The following ZNF664 variants were observed in gnomAD, a reference collection of about 807,000 sequenced individuals.
ZNF664 encodes zinc finger Organ of Corti 1.
In ZNF664, 10 loss-of-function variants were observed where a neutral mutation model predicts 18.2. The observed-to-expected ratio is 0.55, with a 90% CI of 0.34 to 0.93. The LOEUF (loss-of-function observed/expected upper bound fraction) is 0.93, where lower values mean the gene tolerates loss of function less well. ZNF664 is among the 40% of genes least tolerant of loss of function. The probability of loss-of-function intolerance (pLI) is 0.02; values close to 1 mark genes in which losing one functional copy is unlikely to be tolerated. For missense variants in ZNF664, 193 were observed against 319.0 expected (o/e 0.61, Z 3.01); for synonymous variants, 119 against 104.2 (o/e 1.14, Z -0.86).
intron 2 of ZNF664, among the ~76,000 whole-genome samples, chr12:123,983,592 ACT>A (rs1956791694): frequency 2.0e-5 from 3 of 152,174 alleles, no homozygotes; most frequent in African/African-American, 7.2e-5. Context: ...AAGATGATGA[ACT>A]CTGCCACTTA....
chr12:124,005,484 T>A (rs1006008631), intron 3 of ZNF664, among the ~76,000 whole-genome samples: 15 of 22,956 alleles, frequency 6.5e-4, no homozygotes, highest in African/African-American at 4.0e-3. Context: ...ATTTATAGAA[T>A]GTGTGTGTGT....
At chr12:123,995,257 A>G (rs1423107046) in intron 3 of ZNF664, among the ~76,000 whole-genome samples, 1 of 152,264 alleles carries the variant, frequency 6.6e-6, no homozygotes, top group Non-Finnish European at 1.5e-5. Context: ...AATAGTTTAC[A>G]GACAAAGAAC....
chr12:123,985,970 AGTAATG>A (rs1956819614), intron 2 of ZNF664, among the ~76,000 whole-genome samples: 2 of 152,062 alleles, frequency 1.3e-5, no homozygotes, highest in South Asian at 4.1e-4. Flanking sequence ...TTTTGCATCC[AGTAATG>A]TTTTTTTTCA....
At chr12:123,989,867 A>G (rs1013632795) in intron 3 of ZNF664, among the ~76,000 whole-genome samples, 1 of 117,044 alleles carries the variant, frequency 8.5e-6, no homozygotes, top group Non-Finnish European at 1.9e-5. Flanking sequence ...ATTTCTGTCC[A>G]TCCATGCAGA....
Position 124,005,556 on chromosome 12 carries a change from C to T in ZNF664, c.-660-5825C>T, listed in dbSNP as rs76077487. On this transcript the variant is annotated intron_variant, in intron 3 of 4. Transcript: ENST00000337815. ...TAGGCCAGCATGTCTGTATTATCCT[C>T]ATTATATAAAAAGAAAACAGATGCA... is the stretch of plus-strand genomic sequence containing the variant. Among the ~76,000 whole-genome samples, 153 of 150,306 alleles carry T rather than the reference C, an allele frequency of 1.0e-3. 2 individuals are homozygous for T. In the East Asian group the frequency reaches 0.03, roughly 29 times the overall value.
chr12:123,975,888 C>T (rs1030608549), intron 2 of ZNF664, among the ~76,000 whole-genome samples: 11 of 152,126 alleles, frequency 7.2e-5, no homozygotes, highest in Admixed American at 2.0e-4. Context: ...TTCAGATTAG[C>T]TTTTATGTCC....
chr12:123,974,669 CCTT>C (rs2138300905), intron 2 of ZNF664: 1 of 152,326 alleles, frequency 6.6e-6, no homozygotes, highest in East Asian at 1.9e-4. Flanking sequence ...TGGTGTTTAT[CCTT>C]CTAGATCTTT....
Position 124,013,024 on chromosome 12 carries a change from G to T in ZNF664, c.*94G>T, listed in dbSNP as rs963046652. ...CTACATTGACCCAAGAAATATTTAC[G>T]CAATCCCTAGCAGAACATTGTTTCT... On this transcript the variant is annotated 3_prime_UTR_variant, in exon 5 of 5. Coordinates refer to ENST00000337815, the MANE Select transcript of ZNF664 (RefSeq NM_152437.3). 2.2e-6 allele frequency: 3 copies of T among 1,389,748 alleles called. No homozygotes were observed. The highest frequency in any genetic ancestry group is 9.7e-7 in the Non-Finnish European group (1 of 1,035,116). The allele number at this position is 1,389,748 out of a possible 1,614,324, so 86.1% of individuals were successfully genotyped here. A position where few individuals can be genotyped will look rare whatever the true frequency, so the allele number is the denominator to read the frequency against.
At chr12:123,989,761 G>C (rs1251532073) in intron 3 of ZNF664, among the ~76,000 whole-genome samples, 1 of 152,192 alleles carries the variant, frequency 6.6e-6, no homozygotes, top group Non-Finnish European at 1.5e-5. Context: ...TCAACCTCCA[G>C]TGCCAGTCCT....
At position 124,013,224 on chromosome 12, in the gene ZNF664, C is replaced by G; in HGVS notation, c.*294C>G. 1 of 416,912 alleles carries G rather than the reference C, an allele frequency of 2.4e-6. No homozygotes were observed. The highest frequency in any genetic ancestry group is 4.2e-5 in the Admixed American group (1 of 23,794). The allele number at this position is 416,912 out of a possible 1,614,324, so 25.8% of individuals were successfully genotyped here. ...ATAGTTGAAAGACTACACAAAAAGC[C>G]ACAATCATTGCCCGGCCTCCTGAGT... On this transcript the variant is annotated 3_prime_UTR_variant, in exon 5 of 5. Transcript: ENST00000337815.
chr12:123,985,235 C>T (rs1956810632), intron 2 of ZNF664, among the ~76,000 whole-genome samples: 1 of 152,138 alleles, frequency 6.6e-6, no homozygotes, highest in Non-Finnish European at 1.5e-5. Flanking sequence ...AACAATGACT[C>T]TAGAAAGGAT....
rs1312364458 is a variant in ZNF664, at chr12:123,973,979, C to T, written c.-798C>T. The T allele has an allele frequency of 8.1e-6, 10 of 1,231,816 alleles. No individual in the cohort carries two copies. Among genetic ancestry groups the T allele is most frequent in the Non-Finnish European group, 1.0e-5 (10 of 988,112 alleles). The allele number at this position is 1,231,816 out of a possible 1,614,324, so 76.3% of individuals were successfully genotyped here. A position where few individuals can be genotyped will look rare whatever the true frequency, so the allele number is the denominator to read the frequency against. On this transcript the variant is annotated 5_prime_UTR_variant, in exon 2 of 5. Coordinates refer to ENST00000337815, the MANE Select transcript of ZNF664 (RefSeq NM_152437.3). ...CGCAGAAGGCTGCTGCCGCCGGACG[C>T]CTCCATTGTTTGACCACAACAAGGG...
Position 124,007,424 on chromosome 12 carries a change from G to T in ZNF664, c.-660-3957G>T, listed in dbSNP as rs549207214. ...AAGACACCCCTGCTGGGGTTAGCTT[G>T]CCAGGCAAAAGAGCAGAGCGCAGTG... On this transcript the variant is annotated intron_variant, in intron 3 of 4. Coordinates refer to ENST00000337815, the MANE Select transcript of ZNF664 (RefSeq NM_152437.3). Among the ~76,000 whole-genome samples the T allele has an allele frequency of 2.0e-5, 3 of 152,302 alleles. No individual in the cohort carries two copies. The South Asian group carries it at 6.2e-4, about 32-fold the overall frequency.
chr12:123,989,391 C>T (rs1956862850), intron 3 of ZNF664: 1 of 152,340 alleles, frequency 6.6e-6, no homozygotes, highest in Non-Finnish European at 1.5e-5. Context: ...TTTCTGGCTG[C>T]ATTATCTCCT....
intron 2 of ZNF664, 180 bp downstream of exon 2, chr12:123,974,200 C>A (rs759202114): frequency 5.9e-5 from 25 of 420,448 alleles, no homozygotes; most frequent in Non-Finnish European, 8.5e-5. Context: ...CCTCTCATTT[C>A]CCCCAGAACT....
intron 3 of ZNF664, among the ~76,000 whole-genome samples, chr12:123,998,991 T>C (rs1395831799): frequency 6.6e-6 from 1 of 152,158 alleles, no homozygotes; most frequent in Non-Finnish European, 1.5e-5. Context: ...GATATAGGGA[T>C]CTTTCTATAA....
chr12:123,990,422 C>T (rs2138372401), intron 3 of ZNF664, among the ~76,000 whole-genome samples: 1 of 152,148 alleles, frequency 6.6e-6, no homozygotes, highest in East Asian at 1.9e-4. Flanking sequence ...TTTCATTTTA[C>T]CTGTTCTCCA....
At chr12:123,997,734 T>A (rs1956966439) in intron 3 of ZNF664, 1 of 152,250 alleles carries the variant, frequency 6.6e-6, no homozygotes. Context: ...TGGATATGAA[T>A]TCTGGGGAGA....
intron 2 of ZNF664, among the ~76,000 whole-genome samples, chr12:123,980,737 G>A (rs1956754681): frequency 6.6e-6 from 1 of 152,178 alleles, no homozygotes. Context: ...TAAAACCTAT[G>A]AATGGCAAAA....
Sources: allele counts gnomAD v4.1 joint callset (sites outside exome capture counted in the v4.1 genomes callset), GRCh38; gene constraint gnomAD v4.1.1; transcripts MANE v1.5; gene names NCBI Gene and HGNC (gene_info 2026-07-23, HGNC 2026-07-21).